SULT2A1: variants seen among roughly 807,000 people sequenced by gnomAD.
SULT2A1 encodes the protein sulfotransferase 2A1.
Under a neutral mutation model 33.9 loss-of-function variants are expected in SULT2A1, and 43 were observed. The observed-to-expected ratio is 1.27, with a 90% confidence interval of 1.00 to 1.64. The LOEUF (loss-of-function observed/expected upper bound fraction) is 1.64. Ranked by LOEUF, SULT2A1 falls within the 40% of genes most tolerant of loss-of-function variation. The pLI is 0.00. For synonymous variants in SULT2A1, 125 were observed against 113.6 expected (o/e 1.10, Z -0.64); for missense variants, 300 against 335.1 (o/e 0.90, Z 0.82).
Position 47,871,259 on chromosome 19 carries a change from G to A in SULT2A1, c.*196C>T. The A allele has an allele frequency of 3.6e-6, 2 of 556,608 alleles. No homozygotes were observed. The highest frequency in any genetic ancestry group is 6.4e-6 in the Non-Finnish European group (2 of 314,330). 34.5% of individuals were successfully genotyped at this position (556,608 alleles called of 1,614,324 possible). A position where few individuals can be genotyped will look rare whatever the true frequency, so the allele number is the denominator to read the frequency against. ...CCCGTCTCGGCCTCCCATAGTGCTG[G>A]GATTACAGGCATGAACCACCGTGCC... On this transcript the variant is annotated 3_prime_UTR_variant, in exon 6 of 6. Coordinates refer to ENST00000222002, the MANE Select transcript of SULT2A1 (RefSeq NM_003167.4).
At chr19:47,876,189 T>A (rs1968542580) in intron 4 of SULT2A1, among the ~76,000 whole-genome samples, 1 of 152,034 alleles carries the variant, frequency 6.6e-6, no homozygotes, top group Admixed American at 6.6e-5. Flanking sequence ...CTAATTTACG[T>A]ATTTTTAGTA....
chr19:47,872,761 C>CTTTT (rs543237237), intron 5 of SULT2A1, among the ~76,000 whole-genome samples: 10 of 139,854 alleles, frequency 7.2e-5, no homozygotes, highest in African/African-American at 2.7e-4. Context: ...CAGCATTTAT[C>CTTTT]TTTTTTTTTT....
chr19:47,874,078 T>G (rs1052863723), intron 5 of SULT2A1, among the ~76,000 whole-genome samples: 1 of 152,130 alleles, frequency 6.6e-6, no homozygotes, highest in African/African-American at 2.4e-5. Context: ...GAATGGATAA[T>G]GCTCATGTCA....
intron 4 of SULT2A1, among the ~76,000 whole-genome samples, chr19:47,875,158 CAAAAAAAAAAA>C (rs36196588): frequency 1.1e-5 from 1 of 94,084 alleles, no homozygotes; most frequent in African/African-American, 4.1e-5. Flanking sequence ...GAGACCTTGT[CAAAAAAAAAAA>C]AAAAAAAAAA....
intron 4 of SULT2A1, among the ~76,000 whole-genome samples, chr19:47,876,419 T>G (rs1968544732): frequency 6.6e-6 from 1 of 152,186 alleles, no homozygotes; most frequent in South Asian, 2.1e-4. Flanking sequence ...TAAACCTTGG[T>G]TATCTAATAA....
rs570903069 is a variant in SULT2A1, at chr19:47,871,277, A to G, written c.*178T>C. 3.4e-6 allele frequency: 2 copies of G among 589,116 alleles called. No individual in the cohort carries two copies. The highest frequency in any genetic ancestry group is 5.9e-5 in the Admixed American group (2 of 33,670). 36.5% of individuals were successfully genotyped at this position (589,116 alleles called of 1,614,324 possible). On this transcript the variant is annotated 3_prime_UTR_variant, in exon 6 of 6. Transcript: ENST00000222002. ...AGTGCTGGGATTACAGGCATGAACC[A>G]CCGTGCCTGGCCAACCCTGGTAACT...
At chr19:47,877,118 C>T (rs1481785764) in intron 4 of SULT2A1, among the ~76,000 whole-genome samples, 1 of 150,782 alleles carries the variant, frequency 6.6e-6, no homozygotes, top group East Asian at 1.9e-4. Context: ...AGACCATAGG[C>T]CATAGAGGAT....
intron 5 of SULT2A1, among the ~76,000 whole-genome samples, 192 bp downstream of exon 5, chr19:47,874,465 T>C (rs905735036): frequency 1.4e-5 from 2 of 145,326 alleles, no homozygotes; most frequent in African/African-American, 2.6e-5. Flanking sequence ...ACTTGAATCC[T>C]GGAGGCGGAC....
chr19:47,881,492 G>A (rs10426201), intron 3 of SULT2A1, among the ~76,000 whole-genome samples: 131,528 of 152,114 alleles, frequency 0.86, 57,039 homozygotes, highest in East Asian at 1. Flanking sequence ...TCAAATTTGA[G>A]TGTACTGAAT....
chr19:47,883,693 A>G lies in SULT2A1; in HGVS notation c.229T>C (p.Trp77Arg). 6.2e-7 allele frequency: 1 copy of G among 1,614,152 alleles called. No individual in the cohort carries two copies. Among genetic ancestry groups the G allele is most frequent in the Non-Finnish European group, 8.5e-7 (1 of 1,180,018 alleles). ...GTATACCCAATCTCACTCTCTACCC[A>G]GGGTGATCGCTCCCAGATGGGCACA... Reference protein sequence around the residue: ...QSVPIWERSPWVESEIGYTAL... With the variant: ...QSVPIWERSPRVESEIGYTAL... The change falls in exon 2 of 6, where the codon TGG (tryptophan) becomes CGG (arginine). Residue 77 changes from tryptophan (W) to arginine (R), a missense_variant. Transcript: ENST00000222002.
At chr19:47,872,650 G>A (rs903239115) in intron 5 of SULT2A1, among the ~76,000 whole-genome samples, 3 of 151,800 alleles carry the variant, frequency 2.0e-5, no homozygotes, top group Non-Finnish European at 2.9e-5. Context: ...GCTGTATTTC[G>A]CCTCATAACA....
chr19:47,886,310 G>A lies in SULT2A1; in HGVS notation c.-53C>T, dbSNP rs888740264. The A allele has an allele frequency of 1.3e-6, 2 of 1,599,144 alleles. No individual in the cohort carries two copies. Among genetic ancestry groups the A allele is most frequent in the African/African-American group, 1.3e-5 (1 of 74,488 alleles). On this transcript the variant is annotated 5_prime_UTR_variant, in exon 1 of 6. Transcript: ENST00000222002. The stretch of plus-strand genomic sequence containing the variant: ...AGGGTTTCAACTGTAGCCACCGCTG[G>A]AGGCTGTGGCAGCTACAGGCAGATC...
At chr19:47,882,009 A>G in intron 3 of SULT2A1, 75 bp downstream of exon 3, 1 of 1,580,918 alleles carries the variant, frequency 6.3e-7, no homozygotes, top group Non-Finnish European at 8.6e-7. Context: ...GGTGAGATGT[A>G]GAGATGTGAG....
intron 4 of SULT2A1, among the ~76,000 whole-genome samples, chr19:47,875,184 G>T (rs1039688035): frequency 3.1e-4 from 37 of 119,132 alleles, no homozygotes; most frequent in Non-Finnish European, 1.2e-4. Context: ...AAAAAAAAAA[G>T]ACAATAGAAA....
In SULT2A1 at chr19:47,882,162, A is replaced by G. The variant is rs780085343; in HGVS notation, c.394T>C (p.Phe132Leu). ...ATAAACTTCATGTTTTTCCAGAAAA[A>G]ATAACCAGACACCAAAACATCTCTG... ...NPRDVLVSGY[F>L]FWKNMKFIKK... The change falls in exon 3 of 6, where the codon TTT (phenylalanine) becomes CTT (leucine). Residue 132 changes from phenylalanine (F) to leucine (L), a missense_variant. Phe to Leu is a conservative substitution (Grantham distance 22). Transcript: ENST00000222002. 1 of 1,614,062 alleles carries G rather than the reference A, an allele frequency of 6.2e-7. No individual in the cohort carries two copies. The highest frequency in any genetic ancestry group is 1.1e-5 in the South Asian group (1 of 91,036).
intron 5 of SULT2A1, among the ~76,000 whole-genome samples, chr19:47,872,367 G>C: frequency 6.6e-6 from 1 of 152,164 alleles, no homozygotes; most frequent in East Asian, 1.9e-4. Flanking sequence ...CAGGGCTCCA[G>C]GTGATCCAGC....
At chr19:47,876,769 A>T (rs1280891648) in intron 4 of SULT2A1, among the ~76,000 whole-genome samples, 1 of 23,048 alleles carries the variant, frequency 4.3e-5, no homozygotes, top group Non-Finnish European at 8.4e-5. Context: ...GACTCTGTCT[A>T]AAAAAAAAAA....
At chr19:47,874,539 C>T (rs779538758) in intron 5 of SULT2A1, 118 bp downstream of exon 5, 22 of 535,704 alleles carry the variant, frequency 4.1e-5, no homozygotes, top group Non-Finnish European at 6.1e-5. Flanking sequence ...GACTTCATCT[C>T]GGAAAAAAAA....
At chr19:47,880,285 C>A (rs62129968) in intron 3 of SULT2A1, among the ~76,000 whole-genome samples, 16,596 of 126,756 alleles carry the variant, frequency 0.13, 1,310 homozygotes, top group Non-Finnish European at 0.18. Context: ...ATAAATAAAA[C>A]CATCAGATCT....
Sources: gnomAD v4.1 joint callset for allele counts (sites outside exome capture counted in the v4.1 genomes callset) on GRCh38, gnomAD v4.1.1 for gene constraint, MANE v1.5 for transcripts, NCBI Gene and HGNC (gene_info 2026-07-23, HGNC 2026-07-21) for gene names.